Variants in CFAP47 observed in about 807,000 individuals in gnomAD.
CFAP47 encodes cilia- and flagella-associated protein 47.
CFAP47 carries 29 observed loss-of-function variants against 148.1 expected under a neutral mutation model. The ratio of observed to expected loss-of-function variants is 0.20; its 90% CI spans 0.15 to 0.27. The LOEUF (loss-of-function observed/expected upper bound fraction) is 0.27. CFAP47 is among the 10% of genes least tolerant of loss of function. The pLI is 1.00. For synonymous variants in CFAP47, 664 were observed against 577.3 expected (o/e 1.15, Z -2.15); for missense variants, 1,872 against 1,697.5 (o/e 1.10, Z -1.81).
intron 25 of CFAP47, among the ~76,000 whole-genome samples, chrX:36,040,545 A>G (rs781173154): frequency 8.9e-6 from 1 of 111,898 alleles, no homozygotes; most frequent in African/African-American, 3.2e-5. Context: ...GTATGATTCT[A>G]TAGTTATAAT....
chrX:36,016,755 G>T (rs923089938), intron 22 of CFAP47, among the ~76,000 whole-genome samples: 2 of 95,201 alleles, frequency 2.1e-5, no homozygotes, highest in Non-Finnish European at 4.2e-5. Context: ...CTCCATAGTG[G>T]TTCTACTAAT....
intron 37 of CFAP47, among the ~76,000 whole-genome samples, chrX:36,154,765 T>C (rs1939347243): frequency 1.8e-5 from 2 of 110,140 alleles, no homozygotes; most frequent in Non-Finnish European, 3.8e-5. Context: ...GCCTGCACCA[T>C]AATCACCCTT....
chrX:36,138,567 T>A, intron 35 of CFAP47, 103 bp downstream of exon 35: 1 of 887,820 alleles, frequency 1.1e-6, no homozygotes, highest in Non-Finnish European at 1.5e-6. Flanking sequence ...AAATTTAAAT[T>A]GAAACAGGCT....
At position 36,036,359 on chromosome X, in the gene CFAP47, A is replaced by ATT. The variant is rs200119140; in HGVS notation, c.3811+516_3811+517dup. Among the ~76,000 whole-genome samples the ATT allele has an allele frequency of 2.2e-3, 228 of 102,449 alleles. 1 individual carries two copies. The highest frequency in any genetic ancestry group is 7.6e-3 in the African/African-American group (213 of 28,158). The allele number at this position is 102,449 out of a possible 115,157, so 89.0% of individuals were successfully genotyped here. ...ACAATAATGTCCTCTAGGTTCAATC[A>ATT]TTTTTTTTTTTTGGAAAGGGCAGGA... On this transcript the variant is annotated intron_variant, in intron 24 of 63. Transcript: ENST00000378653.
intron 54 of CFAP47, among the ~76,000 whole-genome samples, chrX:36,304,229 A>C (rs1556008399): frequency 9.1e-6 from 1 of 110,016 alleles, no homozygotes; most frequent in African/African-American, 3.3e-5. Context: ...TAAAAATACA[A>C]AAATTAGCCA....
chrX:36,384,021 A>G (rs1243304693), intron 63 of CFAP47, among the ~76,000 whole-genome samples: 1 of 111,774 alleles, frequency 8.9e-6, no homozygotes, highest in Admixed American at 9.6e-5. Flanking sequence ...ATGATCCTAC[A>G]TCATTTGTGG....
intron 2 of CFAP47, among the ~76,000 whole-genome samples, chrX:35,937,384 C>T (rs750856277): frequency 9.1e-6 from 1 of 109,326 alleles, no homozygotes; most frequent in South Asian, 4.0e-4. Flanking sequence ...ACTGGGTCTG[C>T]GTGGCCTTTC....
chrX:36,116,400 C>G (rs1321235615), intron 33 of CFAP47, among the ~76,000 whole-genome samples: 1 of 112,103 alleles, frequency 8.9e-6, no homozygotes, highest in Non-Finnish European at 1.9e-5. Flanking sequence ...TGATTTCATT[C>G]TTTTTATTGC....
chrX:36,306,722 C>A, intron 54 of CFAP47, 50 bp from the exon 55 acceptor site: 1 of 762,700 alleles, frequency 1.3e-6, no homozygotes, highest in South Asian at 2.5e-5. Flanking sequence ...CCAACTCAAG[C>A]CAATTGGGTA....
At chrX:36,014,695 T>A (rs1937077873) in intron 21 of CFAP47, 79 bp from the exon 22 acceptor site, 1 of 280,619 alleles carries the variant, frequency 3.6e-6, no homozygotes. Flanking sequence ...TTTTAAAAAC[T>A]GCTGTTTGGC....
intron 25 of CFAP47, among the ~76,000 whole-genome samples, chrX:36,042,513 C>A (rs1369283724): frequency 4.6e-5 from 5 of 109,843 alleles, no homozygotes; most frequent in African/African-American, 1.7e-4. Context: ...ATAGAGCACA[C>A]AACTTTAAAT....
At chrX:36,116,544 G>A (rs146222373) in intron 33 of CFAP47, among the ~76,000 whole-genome samples, 1 of 112,193 alleles carries the variant, frequency 8.9e-6, no homozygotes, top group Non-Finnish European at 1.9e-5. Context: ...CTGATTAGCT[G>A]GTTCAGAATT....
At chrX:35,920,898 A>G (rs1935567557) in intron 1 of CFAP47, among the ~76,000 whole-genome samples, 1 of 112,270 alleles carries the variant, frequency 8.9e-6, no homozygotes, top group Admixed American at 9.5e-5. Flanking sequence ...TTAAATTTAC[A>G]TATATTTCTT....
intron 21 of CFAP47, among the ~76,000 whole-genome samples, chrX:36,003,129 T>G (rs1299342512): frequency 9.0e-6 from 1 of 110,706 alleles, no homozygotes; most frequent in African/African-American, 3.3e-5. Flanking sequence ...TTTTATAGTT[T>G]ATTGAGTATT....
intron 45 of CFAP47, among the ~76,000 whole-genome samples, chrX:36,219,818 T>C (rs1940195763): frequency 9.0e-6 from 1 of 111,417 alleles, no homozygotes; most frequent in East Asian, 2.8e-4. Context: ...ATCTTACACA[T>C]ATTGATTGAT....
At chrX:36,176,874 A>C in intron 39 of CFAP47, among the ~76,000 whole-genome samples, 1 of 112,450 alleles carries the variant, frequency 8.9e-6, no homozygotes, top group Non-Finnish European at 1.9e-5. Flanking sequence ...ATTGCATTCC[A>C]GCCTGGGCGA....
chrX:35,923,616 T>C (rs755650098), intron 1 of CFAP47, among the ~76,000 whole-genome samples: 2 of 109,443 alleles, frequency 1.8e-5, no homozygotes, highest in African/African-American at 3.3e-5. Flanking sequence ...GTTCAAGAGA[T>C]TGAGATCATC....
chrX:36,369,676 C>T (rs1294466458), intron 62 of CFAP47, among the ~76,000 whole-genome samples: 1 of 111,473 alleles, frequency 9.0e-6, no homozygotes, highest in Non-Finnish European at 1.9e-5. Flanking sequence ...CACATAGTCA[C>T]TCTTTAATGG....
chrX:35,983,723 A>ATG (rs201697450), intron 15 of CFAP47, among the ~76,000 whole-genome samples: 27,864 of 110,501 alleles, frequency 0.25, 4,829 homozygotes, highest in African/African-American at 0.61. Context: ...TGAGATTATT[A>ATG]TGTTTTATAT....
Sources: allele counts gnomAD v4.1 joint callset (sites outside exome capture counted in the v4.1 genomes callset), GRCh38; gene constraint gnomAD v4.1.1; transcripts MANE v1.5; gene names NCBI Gene and HGNC (gene_info 2026-07-23, HGNC 2026-07-21).